SLC25A48: variants seen among roughly 807,000 people sequenced by gnomAD.
The protein encoded by SLC25A48 is CTC-321K16.1.
In SLC25A48, 29 loss-of-function variants were observed where a neutral mutation model predicts 32.2. The observed-to-expected ratio is 0.90, with a 90% CI of 0.67 to 1.23. SLC25A48 has a LOEUF of 1.23. Among genes scored for constraint, SLC25A48 ranks in the 50% most tolerant of loss-of-function variants. The pLI, the probability that SLC25A48 is intolerant of heterozygous loss-of-function variation, is 0.00. For missense variants in SLC25A48, 399 were observed against 422.7 expected (o/e 0.94, Z 0.49); for synonymous variants, 164 against 172.3 (o/e 0.95, Z 0.38).
intron 1 of SLC25A48, among the ~76,000 whole-genome samples, chr5:135,614,978 C>T (rs891374643): frequency 6.6e-6 from 1 of 152,220 alleles, no homozygotes; most frequent in African/African-American, 2.4e-5. Context: ...GCTTTCTCTT[C>T]ACCCTCTGCC....
At chr5:135,751,332 C>T (rs1755765954) in intron 3 of SLC25A48, among the ~76,000 whole-genome samples, 1 of 152,152 alleles carries the variant, frequency 6.6e-6, no homozygotes, top group Non-Finnish European at 1.5e-5. Context: ...TGACTCAAGG[C>T]AACTAAGTTT....
At position 135,623,624 on chromosome 5, in the gene SLC25A48, G is replaced by A. The variant is rs142625376; in HGVS notation, c.-848-5613G>A. Among the ~76,000 whole-genome samples the A allele has an allele frequency of 7.7e-3, 1,169 of 152,216 alleles. 5 individuals carry two copies. The highest frequency in any genetic ancestry group is 0.013 in the Non-Finnish European group (857 of 68,018). On this transcript the variant is annotated intron_variant, in intron 1 of 10. Coordinates refer to the SLC25A48 transcript ENST00000646290. ...CCTCAGGCTGCCCTTCTATAAACAC[G>A]TTCCCCATTGGTAATAGTACCTTAA... is the stretch of plus-strand genomic sequence containing the variant.
At chr5:135,839,601 T>C (rs191495122) in intron 1 of SLC25A48, among the ~76,000 whole-genome samples, 13 of 152,210 alleles carry the variant, frequency 8.5e-5, no homozygotes, top group South Asian at 8.3e-4. Context: ...TGGGGCGCCG[T>C]TGGGAAGGCA....
chr5:135,654,532 A>G (rs1038064159), intron 3 of SLC25A48, among the ~76,000 whole-genome samples: 5 of 152,342 alleles, frequency 3.3e-5, no homozygotes, highest in Middle Eastern at 3.4e-3. Context: ...TAAAGTTGTT[A>G]TAGGTTACAG....
intron 3 of SLC25A48, among the ~76,000 whole-genome samples, chr5:135,779,372 C>T (rs960709097): frequency 8.6e-5 from 13 of 151,412 alleles, no homozygotes; most frequent in Non-Finnish European, 1.8e-4. Context: ...GGGGTGGATA[C>T]CCCCTGTGTG....
At chr5:135,690,113 G>C (rs932887067) in intron 3 of SLC25A48, among the ~76,000 whole-genome samples, 33 of 152,260 alleles carry the variant, frequency 2.2e-4, no homozygotes, top group African/African-American at 5.3e-4. Context: ...CTAAAACCAG[G>C]ATGGTTCCAG....
intron 2 of SLC25A48, 60 bp from the exon 3 acceptor site, chr5:135,850,365 C>T (rs1243479992): frequency 2.3e-5 from 36 of 1,549,402 alleles, no homozygotes; most frequent in Middle Eastern, 3.4e-4. Flanking sequence ...TGGGCATCTC[C>T]GGAGCAGTGG....
intron 1 of SLC25A48, among the ~76,000 whole-genome samples, chr5:135,590,826 T>C (rs1751507474): frequency 2.0e-5 from 3 of 152,240 alleles, no homozygotes; most frequent in Admixed American, 2.0e-4. Flanking sequence ...AAAGAGGGCA[T>C]TGGCTGCAGG....
intron 3 of SLC25A48, among the ~76,000 whole-genome samples, chr5:135,718,242 G>C (rs1243043313): frequency 1.3e-5 from 2 of 152,106 alleles, no homozygotes; most frequent in Admixed American, 1.3e-4. Context: ...TCCCCAGCAG[G>C]CTTTACTTCA....
chr5:135,586,613 G>A (rs958312439), intron 1 of SLC25A48, among the ~76,000 whole-genome samples: 2 of 152,238 alleles, frequency 1.3e-5, no homozygotes, highest in African/African-American at 4.8e-5. Flanking sequence ...ATAGGGCACA[G>A]TGGGCATTCG....
At chr5:135,667,306 T>C (rs1049864751) in intron 3 of SLC25A48, among the ~76,000 whole-genome samples, 1 of 152,172 alleles carries the variant, frequency 6.6e-6, no homozygotes, top group African/African-American at 2.4e-5. Context: ...TAGGCCATTC[T>C]AAAAAGGATT....
intron 3 of SLC25A48, among the ~76,000 whole-genome samples, chr5:135,804,326 C>T (rs765751978): frequency 7.9e-5 from 12 of 151,658 alleles, no homozygotes; most frequent in African/African-American, 1.5e-4. Flanking sequence ...TGTATACCCC[C>T]GGCGACATTA....
At chr5:135,841,702 T>G (rs1759004558) in intron 1 of SLC25A48, among the ~76,000 whole-genome samples, 1 of 147,240 alleles carries the variant, frequency 6.8e-6, no homozygotes, top group Non-Finnish European at 1.5e-5. Flanking sequence ...CACTAGGAGA[T>G]GTGTGGGTGG....
intron 4 of SLC25A48, among the ~76,000 whole-genome samples, chr5:135,817,627 G>T (rs1757758686): frequency 6.6e-6 from 1 of 152,134 alleles, no homozygotes; most frequent in African/African-American, 2.4e-5. Context: ...GGTAGGCAAA[G>T]ATTTCTTAGA....
At chr5:135,675,518 G>A (rs754865761) in intron 3 of SLC25A48, among the ~76,000 whole-genome samples, 3 of 151,970 alleles carry the variant, frequency 2.0e-5, no homozygotes, top group African/African-American at 4.8e-5. Context: ...CTGTAAATAC[G>A]TGGACTTATT....
At chr5:135,782,658 C>G (rs1406306730) in intron 3 of SLC25A48, among the ~76,000 whole-genome samples, 2 of 116,190 alleles carry the variant, frequency 1.7e-5, no homozygotes, top group East Asian at 4.4e-4. Context: ...ATACCCCTCC[C>G]GTGATATCGT....
At chr5:135,760,959 T>G (rs1279647630) in intron 3 of SLC25A48, among the ~76,000 whole-genome samples, 2 of 152,050 alleles carry the variant, frequency 1.3e-5, no homozygotes, top group Non-Finnish European at 2.9e-5. Context: ...GTTTGGAAAG[T>G]GACATTTTTA....
In SLC25A48 at chr5:135,775,605, C is replaced by A. The variant is rs555709848; in HGVS notation, c.-520-36918C>A. ...GGGGAAATAATAGTAATCTTAATAA[C>A]GCAGGAGGTGTACCCCATGCCTGTG... On this transcript the variant is annotated intron_variant, in intron 3 of 10. Coordinates refer to the SLC25A48 transcript ENST00000646290. 4.0e-5 allele frequency among the ~76,000 whole-genome samples: 6 copies of A among 151,424 alleles called. No individual in the cohort carries two copies. The South Asian group carries it at 6.3e-4, about 16-fold the overall frequency.
At chr5:135,762,324 G>A (rs1756081132) in intron 3 of SLC25A48, among the ~76,000 whole-genome samples, 1 of 152,172 alleles carries the variant, frequency 6.6e-6, no homozygotes, top group South Asian at 2.1e-4. Flanking sequence ...GAAAATGGGG[G>A]TGAAGGGTGG....
Sources: gnomAD v4.1 joint callset for allele counts (sites outside exome capture counted in the v4.1 genomes callset) on GRCh38, gnomAD v4.1.1 for gene constraint, MANE v1.5 for transcripts, NCBI Gene and HGNC (gene_info 2026-07-23, HGNC 2026-07-21) for gene names.